Variants in PIK3C2G observed in about 807,000 individuals in gnomAD.
PIK3C2G encodes phosphatidylinositol-4-phosphate 3-kinase catalytic subunit type 2 gamma.
A neutral mutation model predicts 181.1 loss-of-function variants in PIK3C2G; 168 were observed. The observed-to-expected ratio is 0.93, with a 90% CI of 0.82 to 1.05. The LOEUF (loss-of-function observed/expected upper bound fraction) is 1.05. PIK3C2G is among the 50% of genes least tolerant of loss of function. The pLI is 0.00. For missense variants in PIK3C2G, 1,869 were observed against 1,732.8 expected (o/e 1.08, Z -1.40); for synonymous variants, 573 against 592.2 (o/e 0.97, Z 0.47).
chr12:18,647,535 A>C (rs985147338), intron 32 of PIK3C2G, among the ~76,000 whole-genome samples: 8 of 152,122 alleles, frequency 5.3e-5, no homozygotes, highest in Admixed American at 5.2e-4. Flanking sequence ...TTATGAATAC[A>C]TAATAGCTGT....
intron 2 of PIK3C2G, among the ~76,000 whole-genome samples, chr12:18,284,122 G>C (rs1251330038): frequency 6.6e-6 from 1 of 152,114 alleles, no homozygotes; most frequent in East Asian, 1.9e-4. Context: ...CAAGTATTGG[G>C]ATGTGCTTGC....
In PIK3C2G at chr12:18,371,227, T is replaced by G. The variant is rs1228334547; in HGVS notation, c.1796T>G (p.Leu599Arg). ...AAGTCACTTCCAAGGGAATCCATGC[T>G]CACTGTAAAACTGTTTGGGATTGCC... ...EIKSLPRESMLTVKLFGIACA... is the reference protein window; with the variant it reads ...EIKSLPRESMRTVKLFGIACA... The change falls in exon 13 of 33, where the codon CTC becomes CGC. Residue 599 changes from leucine (L) to arginine (R), a missense_variant. Leu to Arg is a moderately radical substitution (Grantham distance 102). Coordinates refer to ENST00000538779, the MANE Select transcript of PIK3C2G (RefSeq NM_001288772.2). 1.2e-6 allele frequency: 2 copies of G among 1,612,096 alleles called. No homozygotes were observed. Among genetic ancestry groups the G allele is most frequent in the South Asian group, 2.2e-5 (2 of 90,758 alleles).
chr12:18,386,157 T>G (rs1592128290), intron 14 of PIK3C2G, among the ~76,000 whole-genome samples: 2 of 152,248 alleles, frequency 1.3e-5, no homozygotes, highest in Admixed American at 1.3e-4. Context: ...GATCATCCTT[T>G]GTCTCCTTCC....
chr12:18,456,376 G>C (rs560487397), intron 18 of PIK3C2G, among the ~76,000 whole-genome samples: 8 of 151,974 alleles, frequency 5.3e-5, no homozygotes, highest in Non-Finnish European at 1.2e-4. Context: ...TCAAGAGAAA[G>C]AGAAAAGCTC....
the PIK3C2G span, among the ~76,000 whole-genome samples, chr12:18,662,199 A>T: frequency 6.6e-6 from 1 of 151,718 alleles, no homozygotes; most frequent in Admixed American, 6.6e-5. Flanking sequence ...ATGCTACCTA[A>T]ATAGCATAGG....
rs531443561 is a variant in PIK3C2G at position 18,640,435 on chromosome 12, C to T, written c.4189C>T (p.Pro1397Ser). The T allele has an allele frequency of 5.6e-6, 9 of 1,609,474 alleles. No homozygotes were observed. In the Admixed American group the frequency reaches 1.3e-4, roughly 24 times the overall value. ...TAACCATTTTCCTTTGCAGCATCTC[C>T]CAGATGGCTCTGCGCCCAGTGCACA... ...LVKHMKNIHL[P>S]DGSAPSAHVE... The change falls in exon 32 of 33, where the codon CCA becomes TCA. Residue 1397 changes from proline to serine, a missense_variant. Coordinates refer to ENST00000538779, the MANE Select transcript of PIK3C2G (RefSeq NM_001288772.2).
chr12:18,540,392 C>T (rs1308721285), intron 25 of PIK3C2G, among the ~76,000 whole-genome samples: 1 of 151,850 alleles, frequency 6.6e-6, no homozygotes, highest in Non-Finnish European at 1.5e-5. Flanking sequence ...TATGCTGTTT[C>T]TCAGGTGACA....
chr12:18,694,180 G>A, the PIK3C2G span: 2 of 663,914 alleles, frequency 3.0e-6, no homozygotes, highest in African/African-American at 1.8e-5. Flanking sequence ...GTTGCCCAGA[G>A]GAATCTCTGT....
chr12:18,596,202 T>A (rs1351155743), intron 30 of PIK3C2G, among the ~76,000 whole-genome samples: 3 of 152,094 alleles, frequency 2.0e-5, no homozygotes, highest in Admixed American at 6.6e-5. Context: ...CTTGTCCTTA[T>A]CAAAATCGTG....
chr12:18,551,359 G>A (rs774607535), intron 26 of PIK3C2G, among the ~76,000 whole-genome samples: 2 of 151,982 alleles, frequency 1.3e-5, no homozygotes, highest in Non-Finnish European at 2.9e-5. Context: ...CTCAAACCTC[G>A]GGTTAGCTGT....
At chr12:18,540,074 G>A (rs989910418) in intron 25 of PIK3C2G, among the ~76,000 whole-genome samples, 8 of 151,804 alleles carry the variant, frequency 5.3e-5, no homozygotes, top group African/African-American at 1.9e-4. Flanking sequence ...TATCCAGGTA[G>A]TATCAAGTCT....
At chr12:18,638,036 T>G (rs1949680495) in intron 31 of PIK3C2G, among the ~76,000 whole-genome samples, 1 of 152,212 alleles carries the variant, frequency 6.6e-6, no homozygotes, top group Non-Finnish European at 1.5e-5. Context: ...ACCCTTAGTG[T>G]CCATTCCTAC....
intron 7 of PIK3C2G, among the ~76,000 whole-genome samples, chr12:18,322,158 G>A (rs1383500826): frequency 2.0e-5 from 3 of 152,102 alleles, no homozygotes; most frequent in African/African-American, 4.8e-5. Flanking sequence ...GCCTAGGCGG[G>A]CGGATCACAA....
chr12:18,462,050 A>G (rs1312134367), intron 18 of PIK3C2G, among the ~76,000 whole-genome samples: 1 of 152,196 alleles, frequency 6.6e-6, no homozygotes, highest in African/African-American at 2.4e-5. Context: ...CCACCCAGGA[A>G]AATCTCCCCA....
At chr12:18,468,737 G>T (rs1938157683) in intron 18 of PIK3C2G, among the ~76,000 whole-genome samples, 1 of 152,012 alleles carries the variant, frequency 6.6e-6, no homozygotes, top group African/African-American at 2.4e-5. Context: ...TTCAAAATTG[G>T]TTGCTCAAGG....
chr12:18,673,141 G>T, the PIK3C2G span, among the ~76,000 whole-genome samples: 1 of 152,098 alleles, frequency 6.6e-6, no homozygotes, highest in South Asian at 2.1e-4. Context: ...CAGGCTTAAG[G>T]AACAGGGGAA....
At chr12:18,669,639 G>C in the PIK3C2G span, among the ~76,000 whole-genome samples, 2 of 151,848 alleles carry the variant, frequency 1.3e-5, no homozygotes, top group Non-Finnish European at 2.9e-5. Flanking sequence ...ATGGCAGAGA[G>C]AGGAAGCTCT....
intron 15 of PIK3C2G, among the ~76,000 whole-genome samples, chr12:18,396,989 G>C (rs1222367795): frequency 6.6e-6 from 1 of 151,638 alleles, no homozygotes; most frequent in African/African-American, 2.4e-5. Context: ...AAAGAACAAA[G>C]TCTCACTTCA....
chr12:18,641,037 T>C (rs922969635), intron 32 of PIK3C2G, among the ~76,000 whole-genome samples: 2 of 152,202 alleles, frequency 1.3e-5, no homozygotes. Flanking sequence ...CCCTAACTTC[T>C]TTCTAAGGCA....
Sources: gnomAD v4.1 joint callset for allele counts (sites outside exome capture counted in the v4.1 genomes callset) on GRCh38, gnomAD v4.1.1 for gene constraint, MANE v1.5 for transcripts, NCBI Gene and HGNC (gene_info 2026-07-23, HGNC 2026-07-21) for gene names.